Variants in PDE1A observed in about 807,000 individuals in gnomAD.
PDE1A encodes dual specificity calcium/calmodulin-dependent 3',5'-cyclic nucleotide phosphodiesterase 1A.
A neutral mutation model predicts 61.7 loss-of-function variants in PDE1A; 35 were observed. The observed-to-expected ratio is 0.57, with a 90% CI of 0.43 to 0.75. PDE1A has a LOEUF of 0.75. Among genes scored for constraint, PDE1A ranks in the 30% least tolerant of loss-of-function variants. PDE1A has a pLI of 0.00. For synonymous variants in PDE1A, 232 were observed against 213.2 expected (o/e 1.09, Z -0.77); for missense variants, 597 against 630.6 (o/e 0.95, Z 0.57).
intron 2 of PDE1A, among the ~76,000 whole-genome samples, chr2:182,465,964 T>A (rs1686632381): frequency 6.6e-6 from 1 of 152,038 alleles, no homozygotes; most frequent in Admixed American, 6.6e-5. Context: ...TAAAATTACA[T>A]AAATATTTAC....
chr2:182,609,748 GAC>G, the PDE1A span, among the ~76,000 whole-genome samples: 2 of 152,220 alleles, frequency 1.3e-5, no homozygotes, highest in East Asian at 3.9e-4. Flanking sequence ...ACCAATTCCA[GAC>G]ACAATCAGAT....
chr2:182,214,491 C>T (rs1045155996), intron 7 of PDE1A, among the ~76,000 whole-genome samples: 14 of 151,988 alleles, frequency 9.2e-5, no homozygotes, highest in African/African-American at 3.1e-4. Context: ...AGAGTCAAGA[C>T]CCATCAGTGT....
chr2:182,194,034 T>C (rs1379110701), intron 10 of PDE1A, among the ~76,000 whole-genome samples: 2 of 152,182 alleles, frequency 1.3e-5, no homozygotes, highest in Admixed American at 6.5e-5. Flanking sequence ...GGCCTGACTG[T>C]ATACAATTCA....
At chr2:182,646,700 A>C in the PDE1A span, among the ~76,000 whole-genome samples, 1 of 152,050 alleles carries the variant, frequency 6.6e-6, no homozygotes, top group African/African-American at 2.4e-5. Context: ...AAAAAAAAAG[A>C]ATTAAGCAAA....
intron 7 of PDE1A, among the ~76,000 whole-genome samples, chr2:182,208,862 C>T (rs1299735850): frequency 6.6e-6 from 1 of 152,172 alleles, no homozygotes; most frequent in African/African-American, 2.4e-5. Flanking sequence ...GAGCATTTAC[C>T]CAATGCCTGT....
chr2:182,597,035 C>T, the PDE1A span, among the ~76,000 whole-genome samples: 1 of 151,482 alleles, frequency 6.6e-6, no homozygotes, highest in Non-Finnish European at 1.5e-5. Context: ...TGCCTGCAGT[C>T]CCAGCTGCTC....
intron 10 of PDE1A, among the ~76,000 whole-genome samples, chr2:182,194,210 C>T (rs920704943): frequency 2.6e-5 from 4 of 151,970 alleles, no homozygotes; most frequent in Non-Finnish European, 4.4e-5. Flanking sequence ...GAAAAATCCA[C>T]GTAGTTATTG....
At chr2:182,391,652 T>G (rs1325830975) in intron 1 of PDE1A, among the ~76,000 whole-genome samples, 1 of 152,118 alleles carries the variant, frequency 6.6e-6, no homozygotes, top group Non-Finnish European at 1.5e-5. Flanking sequence ...CTGGAAAACT[T>G]AAACACAATG....
At chr2:182,200,481 G>A (rs1686527705) in intron 10 of PDE1A, among the ~76,000 whole-genome samples, 1 of 152,176 alleles carries the variant, frequency 6.6e-6, no homozygotes, top group Admixed American at 6.5e-5. Flanking sequence ...CTTCCTGGAT[G>A]GTGAAAACAT....
At chr2:182,373,061 G>A (rs1700205463) in intron 1 of PDE1A, among the ~76,000 whole-genome samples, 1 of 152,176 alleles carries the variant, frequency 6.6e-6, no homozygotes, top group Admixed American at 6.5e-5. Context: ...GCAGTTTCAC[G>A]ACCTCACATA....
chr2:182,299,360 C>A (rs1418367125), intron 1 of PDE1A, among the ~76,000 whole-genome samples: 2 of 150,448 alleles, frequency 1.3e-5, no homozygotes, highest in Non-Finnish European at 3.0e-5. Flanking sequence ...AGTTGGTTCC[C>A]TGATCTTTTC....
At chr2:182,366,996 T>C (rs945370075) in intron 1 of PDE1A, among the ~76,000 whole-genome samples, 2 of 152,052 alleles carry the variant, frequency 1.3e-5, no homozygotes, top group Non-Finnish European at 2.9e-5. Context: ...AAAAAGCAAG[T>C]GAGATTTCAA....
At chr2:182,585,470 T>C in the PDE1A span, among the ~76,000 whole-genome samples, 1 of 152,182 alleles carries the variant, frequency 6.6e-6, no homozygotes, top group African/African-American at 2.4e-5. Context: ...TCTTAAGAAC[T>C]ACCTAGGTTT....
the PDE1A span, among the ~76,000 whole-genome samples, chr2:182,647,292 C>T: frequency 2.0e-5 from 3 of 152,138 alleles, no homozygotes; most frequent in Non-Finnish European, 2.9e-5. Context: ...GGGATCTTGA[C>T]AAGATAGATT....
chr2:182,573,614 T>C, the PDE1A span, among the ~76,000 whole-genome samples: 8 of 152,126 alleles, frequency 5.3e-5, no homozygotes, highest in African/African-American at 1.9e-4. Flanking sequence ...GATATTCATA[T>C]ATTAGTGAGG....
At chr2:182,707,962 A>G in the PDE1A span, among the ~76,000 whole-genome samples, 1 of 152,208 alleles carries the variant, frequency 6.6e-6, no homozygotes, top group Admixed American at 6.5e-5. Flanking sequence ...GAGTGACTAT[A>G]GTTAGCAATA....
intron 1 of PDE1A, among the ~76,000 whole-genome samples, chr2:182,329,537 C>T (rs1028920233): frequency 6.6e-6 from 1 of 151,934 alleles, no homozygotes; most frequent in Non-Finnish European, 1.5e-5. Flanking sequence ...TTACAGGCAC[C>T]CGCCAGCAGC....
intron 1 of PDE1A, among the ~76,000 whole-genome samples, chr2:182,364,699 C>T (rs1179870910): frequency 6.6e-6 from 1 of 151,436 alleles, no homozygotes; most frequent in Non-Finnish European, 1.5e-5. Context: ...TGATGGAGAA[C>T]TTTTAAGATT....
At chr2:182,404,056 T>A (rs200551432) in intron 1 of PDE1A, among the ~76,000 whole-genome samples, 4,146 of 130,956 alleles carry the variant, frequency 0.032, 162 homozygotes, top group African/African-American at 0.098. Context: ...ATTTTTTTTT[T>A]AAAAAAAGTC....
Sources: allele counts gnomAD v4.1 joint callset (sites outside exome capture counted in the v4.1 genomes callset), GRCh38; gene constraint gnomAD v4.1.1; transcripts MANE v1.5; gene names NCBI Gene and HGNC (gene_info 2026-07-23, HGNC 2026-07-21).